The following RYR2 variants were observed in gnomAD, a reference collection of about 807,000 sequenced individuals.
The protein encoded by RYR2 is ryanodine receptor 2.
In RYR2, 227 loss-of-function variants were observed where a neutral mutation model predicts 601.1. The ratio of observed to expected loss-of-function variants is 0.38; its 90% CI spans 0.34 to 0.42. RYR2 has a LOEUF of 0.42. RYR2 is among the 10% of genes least tolerant of loss of function. The pLI is 1.00. For missense variants in RYR2, 4,646 were observed against 6,156.5 expected, an observed-to-expected ratio of 0.75 and a Z score of 8.21; for synonymous variants, 2,223 against 2,175.1, an observed-to-expected ratio of 1.02 and a Z score of -0.61.
chr1:237,697,240 T>G (rs930205783), intron 63 of RYR2, among the ~76,000 whole-genome samples: 10 of 150,422 alleles, frequency 6.6e-5, no homozygotes, highest in Non-Finnish European at 1.0e-4. Flanking sequence ...TTCATGTCAT[T>G]CCAACCTCTG....
At chr1:237,556,018 C>T (rs1269951316) in intron 27 of RYR2, among the ~76,000 whole-genome samples, 2 of 152,090 alleles carry the variant, frequency 1.3e-5, no homozygotes, top group Admixed American at 6.5e-5. Flanking sequence ...GATAACTTTA[C>T]TCCAGAATGG....
intron 101 of RYR2, among the ~76,000 whole-genome samples, chr1:237,820,187 C>CAAA (rs141962001): frequency 2.8e-5 from 2 of 71,378 alleles, no homozygotes; most frequent in African/African-American, 1.1e-4. Flanking sequence ...AACTCCATCT[C>CAAA]AAAAAAAAAA....
At chr1:237,387,966 T>A in intron 9 of RYR2, 121 bp from the exon 10 acceptor site, 1 of 876,296 alleles carries the variant, frequency 1.1e-6, no homozygotes, top group Non-Finnish European at 1.8e-6. Context: ...CTTGGCCAGG[T>A]CCTTAAGACT....
rs1267275045 is a variant in RYR2 at position 237,228,556 on chromosome 1, A to G, written c.49-41941A>G. Among the ~76,000 whole-genome samples the G allele has an allele frequency of 2.6e-5, 4 of 152,314 alleles. No homozygotes were observed. The South Asian group carries it at 8.3e-4, about 32-fold the overall frequency. On this transcript the variant is annotated intron_variant, in intron 1 of 104. Coordinates refer to ENST00000366574, the MANE Select transcript of RYR2 (RefSeq NM_001035.3). ...TGTAGGTCCTTTCCCTTAAGGTCGC[A>G]GTTTCCAAGAACCTATGCACAACAC...
intron 95 of RYR2, 115 bp downstream of exon 95, chr1:237,794,112 T>C: frequency 1.2e-6 from 1 of 858,088 alleles, no homozygotes; most frequent in Non-Finnish European, 1.8e-6. Flanking sequence ...AATAGTTATA[T>C]ATTCAGCCAA....
intron 50 of RYR2, among the ~76,000 whole-genome samples, 199 bp from the exon 51 acceptor site, chr1:237,651,212 T>C (rs544279963): frequency 1.3e-5 from 2 of 152,266 alleles, no homozygotes; most frequent in South Asian, 4.1e-4. Context: ...ATCTAGGGGA[T>C]AGAGATAAGT....
chr1:237,513,389 A>G (rs1410821962), intron 24 of RYR2, among the ~76,000 whole-genome samples: 1 of 152,086 alleles, frequency 6.6e-6, no homozygotes, highest in African/African-American at 2.4e-5. Flanking sequence ...TGTTTGTTTC[A>G]GTTTTGTTAA....
chr1:237,207,333 A>G (rs1681930625), intron 1 of RYR2, among the ~76,000 whole-genome samples: 1 of 152,050 alleles, frequency 6.6e-6, no homozygotes, highest in Non-Finnish European at 1.5e-5. Flanking sequence ...TGAGAGGTGG[A>G]GGTGGATGGA....
At chr1:237,757,673 A>T (rs746323399) in intron 81 of RYR2, 24 bp from the exon 82 acceptor site, 11 of 1,484,006 alleles carry the variant, frequency 7.4e-6, no homozygotes, top group Non-Finnish European at 1.0e-5. Context: ...GATATAAGGA[A>T]CACTACTTTT....
chr1:237,546,099 C>T lies in RYR2; in HGVS notation c.2907-2332C>T, dbSNP rs568028722. 2.0e-5 allele frequency among the ~76,000 whole-genome samples: 3 copies of T among 151,738 alleles called. No individual in the cohort carries two copies. In the South Asian group the frequency reaches 6.2e-4, roughly 31 times the overall value. The stretch of plus-strand genomic sequence containing the variant: ...ATTTGCCTATTTAAATGTCAGAAGT[C>T]TGTCGAATACAATGATTTATAGAAG... On this transcript the variant is annotated intron_variant, in intron 25 of 104. Transcript: ENST00000366574.
chr1:237,519,394 A>C (rs1666875501), intron 24 of RYR2, among the ~76,000 whole-genome samples: 1 of 152,122 alleles, frequency 6.6e-6, no homozygotes, highest in African/African-American at 2.4e-5. Flanking sequence ...ATTTTCTTCT[A>C]GTATTTTTAT....
intron 32 of RYR2, 42 bp downstream of exon 32, chr1:237,591,895 T>A: frequency 7.1e-7 from 1 of 1,399,992 alleles, no homozygotes; most frequent in Non-Finnish European, 1.0e-6. Flanking sequence ...TATCTGTCAC[T>A]CATTATGTTT....
chr1:237,626,583 T>C (rs1679691131), intron 40 of RYR2, among the ~76,000 whole-genome samples: 3 of 100,956 alleles, frequency 3.0e-5, no homozygotes, highest in Middle Eastern at 4.2e-3. Context: ...TCTTTTTCTT[T>C]TTTTTTTTTT....
intron 24 of RYR2, among the ~76,000 whole-genome samples, chr1:237,520,527 TTATCA>T (rs764839279): frequency 2.0e-5 from 3 of 152,196 alleles, no homozygotes; most frequent in Admixed American, 6.5e-5. Context: ...ATGCTGAATT[TTATCA>T]AATGCTTTTT....
intron 1 of RYR2, among the ~76,000 whole-genome samples, chr1:237,261,986 T>C (rs1393350737): frequency 6.6e-6 from 1 of 152,174 alleles, no homozygotes; most frequent in Non-Finnish European, 1.5e-5. Context: ...CGGGGATCTT[T>C]TGTTTATTAG....
intron 17 of RYR2, 90 bp downstream of exon 17, chr1:237,469,277 A>AC (rs1260785157): frequency 8.9e-5 from 67 of 754,634 alleles, no homozygotes; most frequent in Non-Finnish European, 1.2e-4. Context: ...AAAAAAAAAA[A>AC]AACAACTTTG....
intron 34 of RYR2, among the ~76,000 whole-genome samples, chr1:237,600,076 A>G (rs1222150144): frequency 6.6e-6 from 1 of 152,154 alleles, no homozygotes; most frequent in Admixed American, 6.5e-5. Flanking sequence ...AATAGAAAAA[A>G]TAATTCTAAA....
intron 1 of RYR2, among the ~76,000 whole-genome samples, chr1:237,053,809 G>T (rs142170918): frequency 1.3e-5 from 2 of 152,258 alleles, no homozygotes; most frequent in Non-Finnish European, 2.9e-5. Flanking sequence ...GAGGAGGGAG[G>T]GATCCGTGTC....
At chr1:237,734,870 G>C (rs1691002416) in intron 79 of RYR2, among the ~76,000 whole-genome samples, 1 of 152,146 alleles carries the variant, frequency 6.6e-6, no homozygotes, top group African/African-American at 2.4e-5. Flanking sequence ...CTCAGGTAAG[G>C]CTTATAAATA....
Sources: allele counts gnomAD v4.1 joint callset (sites outside exome capture counted in the v4.1 genomes callset), GRCh38; gene constraint gnomAD v4.1.1; transcripts MANE v1.5; gene names NCBI Gene and HGNC (gene_info 2026-07-23, HGNC 2026-07-21).